The following STAB2 variants were observed in gnomAD, a reference collection of about 807,000 sequenced individuals.
STAB2 encodes stabilin 2.
A neutral mutation model predicts 338.1 loss-of-function variants in STAB2; 288 were observed. That is an observed-to-expected ratio of 0.85 (90% CI 0.77 to 0.94). STAB2 has a LOEUF of 0.94. STAB2 is among the 40% of genes least tolerant of loss of function. STAB2 has a pLI of 0.00. For synonymous variants in STAB2, 1,202 were observed against 1,193.3 expected, an observed-to-expected ratio of 1.01 and a Z score of -0.15; for missense variants, 3,141 against 3,210.1, an observed-to-expected ratio of 0.98 and a Z score of 0.52.
intron 56 of STAB2, among the ~76,000 whole-genome samples, chr12:103,744,552 A>G (rs1470898089): frequency 6.6e-6 from 1 of 150,850 alleles, no homozygotes; most frequent in African/African-American, 2.4e-5. Flanking sequence ...CTGTAGCCTC[A>G]ACATCTTGGG....
chr12:103,630,490 C>A (rs1484816844), intron 5 of STAB2, among the ~76,000 whole-genome samples: 1 of 152,062 alleles, frequency 6.6e-6, no homozygotes, highest in African/African-American at 2.4e-5. Flanking sequence ...ATCCCTGGAA[C>A]CTATGAATAT....
At chr12:103,627,645 G>A (rs1449700546) in intron 5 of STAB2, among the ~76,000 whole-genome samples, 1 of 152,224 alleles carries the variant, frequency 6.6e-6, no homozygotes, top group African/African-American at 2.4e-5. Context: ...AAAGCTGCCA[G>A]TGCCAGGCAG....
intron 45 of STAB2, among the ~76,000 whole-genome samples, chr12:103,725,539 TGTGTGC>T (rs1371431652): frequency 1.3e-5 from 2 of 152,194 alleles, no homozygotes; most frequent in African/African-American, 2.4e-5. Flanking sequence ...AGTGTGTGCA[TGTGTGC>T]GTGTGCATGT....
At chr12:103,688,056 C>T in intron 27 of STAB2, 112 bp from the exon 28 acceptor site, 1 of 1,027,254 alleles carries the variant, frequency 9.7e-7, no homozygotes, top group Non-Finnish European at 1.5e-6. Context: ...AGCCTAGCCC[C>T]AGGAAGGCTG....
intron 59 of STAB2, 41 bp downstream of exon 59, chr12:103,749,197 T>TG: frequency 1.3e-6 from 2 of 1,552,412 alleles, no homozygotes; most frequent in Non-Finnish European, 1.7e-6. Flanking sequence ...AGCAGCGCCG[T>TG]GGGCTTCGCT....
At chr12:103,600,772 C>G (rs1296325431) in intron 3 of STAB2, among the ~76,000 whole-genome samples, 1 of 93,298 alleles carries the variant, frequency 1.1e-5, no homozygotes, top group African/African-American at 7.2e-5. Flanking sequence ...CTCAAGAAAG[C>G]CCCCAGGAGA....
chr12:103,635,118 A>G (rs900514004), intron 6 of STAB2, among the ~76,000 whole-genome samples: 3 of 152,232 alleles, frequency 2.0e-5, no homozygotes, highest in African/African-American at 7.2e-5. Flanking sequence ...TGAGAGCAAT[A>G]CACTGACTGC....
chr12:103,655,727 A>G, intron 15 of STAB2, 146 bp downstream of exon 15: 2 of 938,548 alleles, frequency 2.1e-6, no homozygotes, highest in Non-Finnish European at 3.1e-6. Context: ...AGGCATCACT[A>G]ATCAATCACA....
At chr12:103,614,508 A>T (rs1054554227) in intron 3 of STAB2, among the ~76,000 whole-genome samples, 1 of 152,136 alleles carries the variant, frequency 6.6e-6, no homozygotes, top group Non-Finnish European at 1.5e-5. Flanking sequence ...CAGTGTACAA[A>T]ATCTCCCTAT....
chr12:103,642,730 G>T (rs564592683), intron 9 of STAB2, among the ~76,000 whole-genome samples: 81 of 152,206 alleles, frequency 5.3e-4, no homozygotes, highest in East Asian at 1.2e-3. Flanking sequence ...ACGTCCAAAG[G>T]GGCATGCTCC....
At chr12:103,588,799 T>C (rs757621253) in intron 1 of STAB2, among the ~76,000 whole-genome samples, 13 of 152,150 alleles carry the variant, frequency 8.5e-5, no homozygotes, top group Non-Finnish European at 1.3e-4. Context: ...TCAAAAAAAA[T>C]GTGAAGGTGT....
chr12:103,733,283 G>C, intron 51 of STAB2, 101 bp downstream of exon 51: 1 of 1,378,426 alleles, frequency 7.3e-7, no homozygotes, highest in Non-Finnish European at 1.0e-6. Flanking sequence ...GTGTGTCCCT[G>C]TCACCACTGT....
intron 62 of STAB2, 52 bp from the exon 63 acceptor site, chr12:103,755,560 G>T: frequency 6.2e-7 from 1 of 1,611,752 alleles, no homozygotes; most frequent in Non-Finnish European, 8.5e-7. Flanking sequence ...AAGCAGTGCA[G>T]CCCTGGCCCC....
chr12:103,757,386 C>A (rs1201843164), intron 63 of STAB2, among the ~76,000 whole-genome samples: 1 of 152,212 alleles, frequency 6.6e-6, no homozygotes, highest in Non-Finnish European at 1.5e-5. Context: ...CCACACCCAG[C>A]CTGATCAGTG....
At chr12:103,655,085 T>C (rs546891052) in intron 13 of STAB2, among the ~76,000 whole-genome samples, 166 bp from the exon 14 acceptor site, 2 of 152,368 alleles carry the variant, frequency 1.3e-5, no homozygotes, top group African/African-American at 4.8e-5. Flanking sequence ...AACTACTGTT[T>C]CAACGACAGC....
At chr12:103,663,091 A>G in intron 18 of STAB2, 93 bp downstream of exon 18, 1 of 1,504,790 alleles carries the variant, frequency 6.6e-7, no homozygotes, top group Non-Finnish European at 9.0e-7. Flanking sequence ...GGTGTCAAAG[A>G]AAGTTGGACT....
chr12:103,683,200 T>G lies in STAB2; in HGVS notation c.2806-5T>G. ...ATCCACTTGACTCTGTTCTTAAAAT[T>G]ATAGAATGAGTGTGAGTGCAAGAAA... is the stretch of plus-strand genomic sequence containing the variant. On this transcript the variant is annotated splice_polypyrimidine_tract_variant and splice_region_variant and intron_variant, in intron 25 of 68. Transcript: ENST00000388887. 1 of 1,611,196 alleles carries G rather than the reference T, an allele frequency of 6.2e-7. No individual in the cohort carries two copies. Among genetic ancestry groups the G allele is most frequent in the Non-Finnish European group, 8.5e-7 (1 of 1,178,896 alleles).
At chr12:103,765,099 A>C (rs1169008283) in intron 68 of STAB2, among the ~76,000 whole-genome samples, 5 of 151,706 alleles carry the variant, frequency 3.3e-5, no homozygotes, top group Non-Finnish European at 7.4e-5. Context: ...AAAAAAAAAA[A>C]AAAAAAAAAA....
chr12:103,711,180 C>T, intron 39 of STAB2: 2 of 435,366 alleles, frequency 4.6e-6, no homozygotes. Flanking sequence ...ACCATAAGAG[C>T]ACATGGTCAC....
Sources: gnomAD v4.1 joint callset for allele counts (sites outside exome capture counted in the v4.1 genomes callset) on GRCh38, gnomAD v4.1.1 for gene constraint, MANE v1.5 for transcripts, NCBI Gene and HGNC (gene_info 2026-07-23, HGNC 2026-07-21) for gene names.